MAGI1: variants seen among roughly 807,000 people sequenced by gnomAD.
The protein encoded by MAGI1 is membrane-associated guanylate kinase, WW and PDZ domain-containing protein 1.
MAGI1 carries 58 observed loss-of-function variants against 139.9 expected under a neutral mutation model. The observed-to-expected ratio is 0.41, with a 90% CI of 0.34 to 0.52. The LOEUF (loss-of-function observed/expected upper bound fraction) is 0.52, where lower values mean the gene tolerates loss of function less well. Among genes scored for constraint, MAGI1 ranks in the 20% least tolerant of loss-of-function variants. The pLI is 0.12. For missense variants in MAGI1, 1,874 were observed against 1,901.6 expected, an observed-to-expected ratio of 0.99 and a Z score of 0.27; for synonymous variants, 812 against 737.9, an observed-to-expected ratio of 1.10 and a Z score of -1.63.
At chr3:65,792,613 G>A (rs1006463674) in intron 1 of MAGI1, among the ~76,000 whole-genome samples, 100 of 152,012 alleles carry the variant, frequency 6.6e-4, no homozygotes, top group African/African-American at 2.3e-3. Context: ...TTGAACATAA[G>A]CACTAGGATA....
intron 1 of MAGI1, among the ~76,000 whole-genome samples, chr3:65,869,371 T>C (rs1034662246): frequency 2.7e-5 from 1 of 37,398 alleles, no homozygotes; most frequent in African/African-American, 9.9e-5. Flanking sequence ...TGGTTTTTTG[T>C]TGTTGTTGTT....
intron 1 of MAGI1, among the ~76,000 whole-genome samples, chr3:65,999,385 T>C (rs1471000990): frequency 2.0e-5 from 3 of 152,268 alleles, no homozygotes; most frequent in African/African-American, 7.2e-5. Context: ...GGTACTGATA[T>C]GCTTACTTTC....
chr3:65,768,002 GA>G (rs757337174), intron 1 of MAGI1, among the ~76,000 whole-genome samples: 23 of 152,264 alleles, frequency 1.5e-4, no homozygotes, highest in Non-Finnish European at 3.1e-4. Context: ...TCCAATTCAT[GA>G]ATTGCTACTA....
At chr3:65,660,516 C>T (rs1192600413) in intron 1 of MAGI1, among the ~76,000 whole-genome samples, 2 of 152,188 alleles carry the variant, frequency 1.3e-5, no homozygotes, top group African/African-American at 4.8e-5. Flanking sequence ...GGTCTAGTTA[C>T]ACAAAGTGAT....
intron 18 of MAGI1, among the ~76,000 whole-genome samples, chr3:65,367,832 A>G (rs776131635): frequency 6.6e-6 from 1 of 152,218 alleles, no homozygotes; most frequent in Non-Finnish European, 1.5e-5. Context: ...CCTTTCAAAA[A>G]AGAAATAATT....
intron 1 of MAGI1, among the ~76,000 whole-genome samples, chr3:66,009,515 T>TA (rs1298462683): frequency 1.3e-5 from 2 of 151,420 alleles, no homozygotes; most frequent in Non-Finnish European, 2.9e-5. Context: ...TGCCTCAAAA[T>TA]AAAAAAAGTA....
intron 1 of MAGI1, among the ~76,000 whole-genome samples, chr3:65,959,442 C>T (rs1353440186): frequency 1.3e-5 from 2 of 151,826 alleles, no homozygotes; most frequent in African/African-American, 4.8e-5. Context: ...GTGAGTGATG[C>T]TCTTTTTGTT....
At chr3:65,958,251 G>T (rs1422695398) in intron 1 of MAGI1, among the ~76,000 whole-genome samples, 2 of 152,174 alleles carry the variant, frequency 1.3e-5, no homozygotes, top group South Asian at 4.1e-4. Flanking sequence ...GGAAAAAATA[G>T]GTACAGTGTA....
Position 66,038,246 on chromosome 3 carries a change from C to A in MAGI1, c.63G>T (p.Lys21Asn). The change falls in exon 1 of 23, where the codon AAG becomes AAT. Residue 21 changes from lysine to asparagine, a missense_variant. Transcript: ENST00000402939. Reference protein sequence around the residue: ...WTSRVHECTVKRGPQGELGVT... With the variant: ...WTSRVHECTVNRGPQGELGVT... ...CCCCCAGCTCGCCCTGGGGTCCCCG[C>A]TTCACGGTGCATTCGTGAACCCTGC... 1.2e-6 allele frequency: 2 copies of A among 1,611,160 alleles called. No homozygotes were observed. Among genetic ancestry groups the A allele is most frequent in the Non-Finnish European group, 1.7e-6 (2 of 1,179,140 alleles).
intron 13 of MAGI1, among the ~76,000 whole-genome samples, chr3:65,398,557 C>T (rs927111211): frequency 2.0e-5 from 3 of 151,990 alleles, no homozygotes; most frequent in African/African-American, 4.8e-5. Flanking sequence ...CATACGAAAA[C>T]GGTGGATACT....
intron 2 of MAGI1, among the ~76,000 whole-genome samples, chr3:65,494,087 A>C (rs990008663): frequency 2.6e-5 from 4 of 152,206 alleles, no homozygotes; most frequent in Admixed American, 6.5e-5. Context: ...GGCAAGTTCC[A>C]AAGCCCTTTA....
chr3:65,453,371 GT>G, intron 5 of MAGI1, 31 bp from the exon 6 acceptor site: 1 of 811,204 alleles, frequency 1.2e-6, no homozygotes, highest in Non-Finnish European at 1.8e-6. Flanking sequence ...TAAGAAATTT[GT>G]TTGAAAAAAA....
At chr3:65,615,688 G>A (rs1440395732) in intron 2 of MAGI1, among the ~76,000 whole-genome samples, 1 of 152,096 alleles carries the variant, frequency 6.6e-6, no homozygotes, top group Non-Finnish European at 1.5e-5. Flanking sequence ...AGAGTCCCAT[G>A]GATAAAAATG....
chr3:65,862,236 G>A (rs1305525671), intron 1 of MAGI1, among the ~76,000 whole-genome samples: 1 of 152,158 alleles, frequency 6.6e-6, no homozygotes, highest in Non-Finnish European at 1.5e-5. Context: ...TCTTCTCTCA[G>A]CAAGCTACCC....
At chr3:65,715,140 A>T (rs1455089063) in intron 1 of MAGI1, among the ~76,000 whole-genome samples, 1 of 152,222 alleles carries the variant, frequency 6.6e-6, no homozygotes, top group Non-Finnish European at 1.5e-5. Flanking sequence ...ACCTAGGAAG[A>T]AAAACGACCT....
chr3:65,550,549 T>A (rs997427246), intron 2 of MAGI1, among the ~76,000 whole-genome samples: 4 of 152,190 alleles, frequency 2.6e-5, no homozygotes, highest in Non-Finnish European at 5.9e-5. Flanking sequence ...CTTTTATTCA[T>A]ATACAACTTT....
chr3:66,037,016 G>C (rs543850961), intron 1 of MAGI1, among the ~76,000 whole-genome samples: 16 of 152,180 alleles, frequency 1.1e-4, no homozygotes, highest in Non-Finnish European at 4.4e-5. Flanking sequence ...CCCTCCTCAG[G>C]AATCAGCCCC....
At chr3:65,776,588 G>A (rs1390050074) in intron 1 of MAGI1, among the ~76,000 whole-genome samples, 1 of 152,068 alleles carries the variant, frequency 6.6e-6, no homozygotes, top group Non-Finnish European at 1.5e-5. Flanking sequence ...TGGTTTTCCA[G>A]GCAGCTGCAG....
intron 14 of MAGI1, chr3:65,387,007 G>C (rs1331330125): frequency 5.0e-5 from 35 of 695,254 alleles, no homozygotes. Context: ...GTCAACAAGA[G>C]CTCCAAAGCA....
Sources: allele counts gnomAD v4.1 joint callset (sites outside exome capture counted in the v4.1 genomes callset), GRCh38; gene constraint gnomAD v4.1.1; transcripts MANE v1.5; gene names NCBI Gene and HGNC (gene_info 2026-07-23, HGNC 2026-07-21).